NCKAP5: variants seen among roughly 807,000 people sequenced by gnomAD.
NCKAP5 encodes NCK associated protein 5.
A neutral mutation model predicts 167.0 loss-of-function variants in NCKAP5; 92 were observed. That is an observed-to-expected ratio of 0.55 (90% CI 0.47 to 0.66). The LOEUF (loss-of-function observed/expected upper bound fraction) is 0.66. NCKAP5 is among the 30% of genes least tolerant of loss of function. The probability of loss-of-function intolerance (pLI) is 0.00; values close to 1 mark genes in which losing one functional copy is unlikely to be tolerated. For synonymous variants in NCKAP5, 891 were observed against 877.4 expected (o/e 1.02, Z -0.27); for missense variants, 2,378 against 2,315.0 (o/e 1.03, Z -0.56).
At chr2:132,864,047 A>T (rs1690148183) in intron 10 of NCKAP5, among the ~76,000 whole-genome samples, 1 of 152,160 alleles carries the variant, frequency 6.6e-6, no homozygotes, top group Non-Finnish European at 1.5e-5. Context: ...AAGAGCAGCT[A>T]CTCTGACCCT....
intron 3 of NCKAP5, among the ~76,000 whole-genome samples, chr2:133,501,938 A>C (rs563923859): frequency 2.0e-4 from 30 of 152,388 alleles, no homozygotes; most frequent in African/African-American, 7.2e-4. Context: ...TGACAAGGAC[A>C]CTAATCACAA....
chr2:133,626,337 G>A, the NCKAP5 span, among the ~76,000 whole-genome samples: 6 of 152,030 alleles, frequency 3.9e-5, no homozygotes, highest in Admixed American at 3.9e-4. Context: ...TAAATACCAA[G>A]TTACAGGGAA....
chr2:132,824,897 G>T (rs1687016034), intron 11 of NCKAP5, among the ~76,000 whole-genome samples: 1 of 152,204 alleles, frequency 6.6e-6, no homozygotes, highest in African/African-American at 2.4e-5. Flanking sequence ...GCATGAGAAA[G>T]AAATAGACTT....
Position 133,568,283 on chromosome 2 carries a change from C to G in NCKAP5, c.-197G>C, listed in dbSNP as rs1688710741. The G allele has an allele frequency of 6.6e-6, 1 of 152,222 alleles. No homozygotes were observed. The highest frequency in any genetic ancestry group is 1.5e-5 in the Non-Finnish European group (1 of 68,048). The allele number at this position is 152,222 out of a possible 1,614,324, so 9.4% of individuals were successfully genotyped here. ...ACAGACACAGGAACTACAACTCTCT[C>G]CAGCTAAAAATTTCCTCCCGCGGTT... On this transcript the variant is annotated 5_prime_UTR_variant, in exon 1 of 20. Transcript: ENST00000409261.
the NCKAP5 span, among the ~76,000 whole-genome samples, chr2:133,664,644 C>T: frequency 6.4e-4 from 97 of 152,258 alleles, no homozygotes; most frequent in South Asian, 0.019. Context: ...GGATTACAGG[C>T]GCACACCACC....
intron 6 of NCKAP5, 53 bp from the exon 7 acceptor site, chr2:132,994,292 G>T (rs957940349): frequency 4.7e-6 from 6 of 1,288,462 alleles, no homozygotes; most frequent in Non-Finnish European, 4.3e-6. Context: ...AATTAACACG[G>T]ATCCACTCGA....
chr2:133,239,355 A>C (rs141510248), intron 4 of NCKAP5, among the ~76,000 whole-genome samples: 45 of 152,336 alleles, frequency 3.0e-4, no homozygotes, highest in African/African-American at 1.0e-3. Context: ...AAGCATGTGA[A>C]TCAACAAATT....
At chr2:133,034,872 A>G (rs2078991426) in intron 6 of NCKAP5, among the ~76,000 whole-genome samples, 1 of 151,996 alleles carries the variant, frequency 6.6e-6, no homozygotes, top group Admixed American at 6.6e-5. Context: ...CCATAAAACA[A>G]CCAGATAACA....
At chr2:133,308,151 G>C (rs1003140031) in intron 3 of NCKAP5, among the ~76,000 whole-genome samples, 59 of 146,518 alleles carry the variant, frequency 4.0e-4, no homozygotes, top group South Asian at 3.2e-3. Flanking sequence ...TGCAGTGGCG[G>C]GATCTCGGCT....
At chr2:132,884,447 T>G (rs1224675039) in intron 8 of NCKAP5, among the ~76,000 whole-genome samples, 1 of 152,230 alleles carries the variant, frequency 6.6e-6, no homozygotes, top group African/African-American at 2.4e-5. Flanking sequence ...AGGCTCCGGT[T>G]CCAGTTCCAT....
chr2:133,292,612 G>A (rs770981497), intron 4 of NCKAP5, among the ~76,000 whole-genome samples: 5 of 152,166 alleles, frequency 3.3e-5, no homozygotes, highest in Non-Finnish European at 7.3e-5. Context: ...ATTAAATAGT[G>A]GTAAATTTCT....
At chr2:133,461,034 G>T (rs1192976388) in intron 3 of NCKAP5, among the ~76,000 whole-genome samples, 1 of 152,104 alleles carries the variant, frequency 6.6e-6, no homozygotes, top group African/African-American at 2.4e-5. Flanking sequence ...TCTGTTGGTT[G>T]CTAGGAAATC....
chr2:133,320,725 A>AAAAC (rs570238647), intron 3 of NCKAP5, among the ~76,000 whole-genome samples: 20 of 152,134 alleles, frequency 1.3e-4, no homozygotes, highest in Admixed American at 1.1e-3. Context: ...AATAAACAAC[A>AAAAC]AAACAAACAA....
chr2:132,978,390 T>C (rs1419145422), intron 7 of NCKAP5, among the ~76,000 whole-genome samples: 1 of 152,164 alleles, frequency 6.6e-6, no homozygotes, highest in East Asian at 1.9e-4. Flanking sequence ...AAACTGAGCA[T>C]CCACTGAGCT....
chr2:133,468,640 A>T (rs1692793060), intron 3 of NCKAP5, among the ~76,000 whole-genome samples: 1 of 152,028 alleles, frequency 6.6e-6, no homozygotes, highest in African/African-American at 2.4e-5. Context: ...AATGTGTGGG[A>T]ATCTAAGTCT....
At chr2:133,009,243 T>C (rs2078070546) in intron 6 of NCKAP5, among the ~76,000 whole-genome samples, 2 of 152,228 alleles carry the variant, frequency 1.3e-5, no homozygotes, top group South Asian at 4.1e-4. Context: ...ATTCATAGAC[T>C]ACCCTGGCAT....
chr2:133,499,739 T>C (rs1453230366), intron 3 of NCKAP5, among the ~76,000 whole-genome samples: 2 of 152,132 alleles, frequency 1.3e-5, no homozygotes, highest in East Asian at 3.9e-4. Flanking sequence ...TTTGTATTTT[T>C]AGTAGAGACG....
rs1279427990 is a variant in NCKAP5 at position 132,911,884 on chromosome 2, GC to G, written c.580-32969del. ...AAACTGCAGGACTGTTGATTAGCGG[GC>G]CCTCCCAGGCCTTCCAAGCTGCCTG... On this transcript the variant is annotated intron_variant, in intron 8 of 19. Coordinates refer to ENST00000409261, the MANE Select transcript of NCKAP5 (RefSeq NM_207363.3). Among the ~76,000 whole-genome samples, 12 of 152,284 alleles carry G rather than the reference GC, an allele frequency of 7.9e-5. No homozygotes were observed. In the South Asian group the frequency reaches 2.1e-3, roughly 26 times the overall value.
intron 6 of NCKAP5, among the ~76,000 whole-genome samples, chr2:133,065,918 T>C (rs2080178407): frequency 6.6e-6 from 1 of 152,272 alleles, no homozygotes. Context: ...ATAGTTCATG[T>C]AGCTATTACA....
Sources: gnomAD v4.1 joint callset for allele counts (sites outside exome capture counted in the v4.1 genomes callset) on GRCh38, gnomAD v4.1.1 for gene constraint, MANE v1.5 for transcripts, NCBI Gene and HGNC (gene_info 2026-07-23, HGNC 2026-07-21) for gene names.